MAD1L1: variants seen among roughly 807,000 people sequenced by gnomAD.
MAD1L1 encodes the protein mitotic spindle assembly checkpoint protein MAD1.
Under a neutral mutation model 96.9 loss-of-function variants are expected in MAD1L1, and 95 were observed. The observed-to-expected ratio is 0.98, with a 90% confidence interval of 0.83 to 1.16. MAD1L1 has a LOEUF of 1.16. Among genes scored for constraint, MAD1L1 ranks in the 50% most tolerant of loss-of-function variants. MAD1L1 has a pLI of 0.00. For missense variants in MAD1L1, 1,007 were observed against 954.4 expected, an observed-to-expected ratio of 1.06 and a Z score of -0.73; for synonymous variants, 473 against 396.6, an observed-to-expected ratio of 1.19 and a Z score of -2.29.
rs111408796 is a variant in MAD1L1, at chr7:2,097,768, G to A, written c.1074-28430C>T. ...CCAGCAGGGAGTGGTGCTGAGTGGGGAAGGGAGACAGTGAGGCCTTGAGGC... is the reference window on the plus strand; with the variant it reads ...CCAGCAGGGAGTGGTGCTGAGTGGGAAAGGGAGACAGTGAGGCCTTGAGGC... On this transcript the variant is annotated intron_variant, in intron 11 of 18. Transcript: ENST00000265854. 2.2e-3 allele frequency among the ~76,000 whole-genome samples: 339 copies of A among 152,342 alleles called. 2 individuals carry two copies. The highest frequency in any genetic ancestry group is 7.1e-3 in the African/African-American group (294 of 41,580).
At chr7:1,987,687 C>A (rs1486985164) in intron 14 of MAD1L1, among the ~76,000 whole-genome samples, 1 of 152,208 alleles carries the variant, frequency 6.6e-6, no homozygotes, top group Non-Finnish European at 1.5e-5. Flanking sequence ...CCACGGCCGC[C>A]CGGCAGCCCC....
At chr7:1,894,714 G>A (rs1168469421) in intron 18 of MAD1L1, among the ~76,000 whole-genome samples, 1 of 152,146 alleles carries the variant, frequency 6.6e-6, no homozygotes, top group East Asian at 1.9e-4. Context: ...AGAGGGGAGG[G>A]GGCGAGCGGG....
chr7:2,160,382 G>C (rs1345809418), intron 10 of MAD1L1, among the ~76,000 whole-genome samples: 1 of 146,772 alleles, frequency 6.8e-6, no homozygotes, highest in Non-Finnish European at 1.5e-5. Context: ...GCCCAGGCTG[G>C]AGTGCAGTGG....
At chr7:1,944,287 G>C (rs1170979998) in intron 16 of MAD1L1, among the ~76,000 whole-genome samples, 1 of 152,234 alleles carries the variant, frequency 6.6e-6, no homozygotes, top group Non-Finnish European at 1.5e-5. Flanking sequence ...GTTCTGCGAA[G>C]GGTGACGGTG....
At position 1,868,980 on chromosome 7, in the gene MAD1L1, G is replaced by A. The variant is rs533607822; in HGVS notation, c.1998+29220C>T. Among the ~76,000 whole-genome samples, 11 of 152,300 alleles carry A rather than the reference G, an allele frequency of 7.2e-5. No homozygotes were observed. In the South Asian group the frequency reaches 2.3e-3, roughly 32 times the overall value. ...AGCCCGGCACAGCCCAAACCCTCGC[G>A]TGTGTAGGACTCCCCCAAGGCTCTG... On this transcript the variant is annotated intron_variant, in intron 18 of 18. Coordinates refer to ENST00000265854, the MANE Select transcript of MAD1L1 (RefSeq NM_001013836.2).
intron 10 of MAD1L1, among the ~76,000 whole-genome samples, chr7:2,199,075 C>T (rs1792145624): frequency 6.6e-6 from 1 of 152,234 alleles, no homozygotes; most frequent in South Asian, 2.1e-4. Flanking sequence ...GCACTGGGGC[C>T]TGTATGATGC....
chr7:2,007,533 G>C (rs555209815), intron 13 of MAD1L1, among the ~76,000 whole-genome samples: 1 of 151,962 alleles, frequency 6.6e-6, no homozygotes, highest in Non-Finnish European at 1.5e-5. Context: ...AATTAGCTGG[G>C]TGTGGTGGTG....
intron 10 of MAD1L1, among the ~76,000 whole-genome samples, chr7:2,161,160 G>A (rs1354291994): frequency 1.9e-3 from 7 of 3,702 alleles, no homozygotes; most frequent in Non-Finnish European, 3.6e-3. Context: ...ATGCCGAGCC[G>A]AGGCTGGACT....
At chr7:1,828,146 G>C (rs934135884) in intron 18 of MAD1L1, among the ~76,000 whole-genome samples, 1 of 152,044 alleles carries the variant, frequency 6.6e-6, no homozygotes, top group Non-Finnish European at 1.5e-5. Context: ...GAGGGCGGCC[G>C]GCAGCTTCCG....
intron 10 of MAD1L1, among the ~76,000 whole-genome samples, chr7:2,152,168 G>C (rs994356555): frequency 6.6e-6 from 1 of 152,206 alleles, no homozygotes; most frequent in African/African-American, 2.4e-5. Flanking sequence ...CAGCCCTCGG[G>C]AGCACTGTCA....
At chr7:1,870,816 T>G (rs1421088078) in intron 18 of MAD1L1, among the ~76,000 whole-genome samples, 1 of 42,090 alleles carries the variant, frequency 2.4e-5, no homozygotes, top group East Asian at 7.4e-4. Flanking sequence ...CCTGCCACGC[T>G]GAACCGACCA....
intron 16 of MAD1L1, among the ~76,000 whole-genome samples, chr7:1,950,076 T>C (rs1173723291): frequency 1.1e-5 from 1 of 90,182 alleles, no homozygotes; most frequent in Non-Finnish European, 2.6e-5. Flanking sequence ...CAGAGACTAC[T>C]AGACGATCTC....
At chr7:1,938,906 C>G in intron 16 of MAD1L1, among the ~76,000 whole-genome samples, 1 of 130,420 alleles carries the variant, frequency 7.7e-6, no homozygotes, top group South Asian at 2.5e-4. Flanking sequence ...GAGGCGCGCA[C>G]ACACACACAC....
intron 15 of MAD1L1, among the ~76,000 whole-genome samples, chr7:1,974,755 G>A (rs4721267): frequency 0.86 from 130,952 of 152,312 alleles, 57,620 homozygotes; most frequent in Non-Finnish European, 0.96. Flanking sequence ...TCTCAAGAGC[G>A]GAAGGGCGTG....
chr7:2,072,294 C>T (rs1451985259), intron 11 of MAD1L1, among the ~76,000 whole-genome samples: 1 of 152,230 alleles, frequency 6.6e-6, no homozygotes, highest in African/African-American at 2.4e-5. Context: ...TGGTCAGAGT[C>T]TTCTGTGTTG....
chr7:2,072,076 T>C (rs944623352), intron 11 of MAD1L1, among the ~76,000 whole-genome samples: 1 of 152,340 alleles, frequency 6.6e-6, no homozygotes, highest in Middle Eastern at 3.4e-3. Context: ...AACTGGGTGG[T>C]AGGAACCCCA....
intron 18 of MAD1L1, among the ~76,000 whole-genome samples, chr7:1,856,042 C>T (rs967319117): frequency 3.3e-5 from 5 of 152,206 alleles, no homozygotes; most frequent in Non-Finnish European, 5.9e-5. Context: ...AGGGAGCTCT[C>T]GGCTTCTTCA....
chr7:2,172,370 G>A (rs1000408778), intron 10 of MAD1L1, among the ~76,000 whole-genome samples: 4 of 152,082 alleles, frequency 2.6e-5, no homozygotes, highest in Non-Finnish European at 4.4e-5. Context: ...TCCAACTCTC[G>A]TCTGACTCTC....
intron 18 of MAD1L1, among the ~76,000 whole-genome samples, chr7:1,825,907 G>C (rs1453453753): frequency 6.6e-6 from 1 of 152,050 alleles, no homozygotes; most frequent in Non-Finnish European, 1.5e-5. Flanking sequence ...CCCAGGGTTG[G>C]CGGTCGGCAC....
Sources: gnomAD v4.1 joint callset for allele counts (sites outside exome capture counted in the v4.1 genomes callset) on GRCh38, gnomAD v4.1.1 for gene constraint, MANE v1.5 for transcripts, NCBI Gene and HGNC (gene_info 2026-07-23, HGNC 2026-07-21) for gene names.